The following CLVS1 variants were observed in gnomAD, a reference collection of about 807,000 sequenced individuals.
The protein encoded by CLVS1 is clavesin-1.
CLVS1 carries 10 observed loss-of-function variants against 33.1 expected under a neutral mutation model. The ratio of observed to expected loss-of-function variants is 0.30; its 90% CI spans 0.19 to 0.51. The LOEUF (loss-of-function observed/expected upper bound fraction) is 0.51, where lower values mean the gene tolerates loss of function less well. Ranked by LOEUF, CLVS1 falls within the 20% of genes least tolerant of loss-of-function variation. CLVS1 has a pLI of 0.97. For synonymous variants in CLVS1, 163 were observed against 166.1 expected, an observed-to-expected ratio of 0.98 and a Z score of 0.14; for missense variants, 343 against 433.4, an observed-to-expected ratio of 0.79 and a Z score of 1.85.
In CLVS1 at chr8:61,500,249, A is replaced by AATG. The variant is rs1196378370; in HGVS notation, c.*708_*710dup. The AATG allele has an allele frequency of 1.3e-5, 2 of 152,300 alleles. No homozygotes were observed. The highest frequency in any genetic ancestry group is 1.5e-5 in the Non-Finnish European group (1 of 68,058). The allele number at this position is 152,300 out of a possible 1,614,324, so 9.4% of individuals were successfully genotyped here. A position where few individuals can be genotyped will look rare whatever the true frequency, so the allele number is the denominator to read the frequency against. ...TGAAATACGATTATTTCATCTGAGC[A>AATG]ATGTGAGTTACCACAGGCAGCTCAA... On this transcript the variant is annotated 3_prime_UTR_variant, in exon 6 of 6. Transcript: ENST00000325897.
chr8:61,248,167 A>G (rs1272052027), intron 2 of CLVS1, among the ~76,000 whole-genome samples: 2 of 152,206 alleles, frequency 1.3e-5, no homozygotes, highest in South Asian at 2.1e-4. Context: ...TATTAGTACC[A>G]TGCTGTTTTG....
In CLVS1 at chr8:61,123,060, G is replaced by A. The variant is rs564560522; in HGVS notation, c.-242-8710G>A. On this transcript the variant is annotated intron_variant, in intron 1 of 2. Transcript: ENST00000522621. ...CAAGGCAGGTGGATCACCTGAGGTC[G>A]GGAGTTCAAGACCAGCCTGACCAGC... is the stretch of plus-strand genomic sequence containing the variant. Among the ~76,000 whole-genome samples, 119 of 143,034 alleles carry A rather than the reference G, an allele frequency of 8.3e-4. 11 individuals carry two copies. The highest frequency in any genetic ancestry group is 2.9e-3 in the African/African-American group (115 of 39,346). The allele number at this position is 143,034 out of a possible 152,430, so 93.8% of individuals were successfully genotyped here. A position where few individuals can be genotyped will look rare whatever the true frequency, so the allele number is the denominator to read the frequency against.
the CLVS1 span, among the ~76,000 whole-genome samples, chr8:60,998,276 C>G: frequency 6.6e-6 from 1 of 152,204 alleles, no homozygotes; most frequent in East Asian, 1.9e-4. Context: ...CTGGCAAGTC[C>G]TTACCCACAC....
chr8:61,404,332 A>G (rs1392663298), intron 3 of CLVS1, among the ~76,000 whole-genome samples: 1 of 152,168 alleles, frequency 6.6e-6, no homozygotes, highest in African/African-American at 2.4e-5. Flanking sequence ...AAGACCTTAT[A>G]TTTTTATTTT....
At chr8:61,074,029 A>G (rs1314127006) in intron 1 of CLVS1, among the ~76,000 whole-genome samples, 2 of 148,964 alleles carry the variant, frequency 1.3e-5, no homozygotes, top group Non-Finnish European at 3.0e-5. Context: ...AAAAAAAAAA[A>G]AATTATAACT....
chr8:61,422,243 A>G (rs1815707482), intron 3 of CLVS1, among the ~76,000 whole-genome samples: 1 of 152,200 alleles, frequency 6.6e-6, no homozygotes, highest in African/African-American at 2.4e-5. Context: ...GCATATACAT[A>G]CATGTGTGAA....
chr8:61,161,994 A>T (rs1303842784), intron 2 of CLVS1, among the ~76,000 whole-genome samples: 1 of 31,320 alleles, frequency 3.2e-5, no homozygotes, highest in Admixed American at 2.7e-4. Context: ...ACTTTTTGAC[A>T]AAAAAAAAAA....
At chr8:61,077,484 T>C (rs1226680799) in intron 1 of CLVS1, among the ~76,000 whole-genome samples, 1 of 133,128 alleles carries the variant, frequency 7.5e-6, no homozygotes, top group Non-Finnish European at 1.6e-5. Context: ...TTATTATTAT[T>C]ATTATTATTG....
intron 2 of CLVS1, among the ~76,000 whole-genome samples, chr8:61,191,685 TA>T (rs143381938): frequency 0.76 from 115,253 of 151,980 alleles, 44,571 homozygotes; most frequent in Middle Eastern, 0.9. Flanking sequence ...AGTCTCAGGA[TA>T]AAAAAATCAA....
intron 3 of CLVS1, among the ~76,000 whole-genome samples, chr8:61,452,797 C>T (rs1164687319): frequency 6.6e-6 from 1 of 152,182 alleles, no homozygotes; most frequent in Non-Finnish European, 1.5e-5. Flanking sequence ...TATTTAGCAC[C>T]TTTCTACTCT....
At chr8:61,043,917 T>G in the CLVS1 span, among the ~76,000 whole-genome samples, 1 of 152,184 alleles carries the variant, frequency 6.6e-6, no homozygotes, top group African/African-American at 2.4e-5. Flanking sequence ...TACCTTATTC[T>G]TAGTAAGGAA....
intron 2 of CLVS1, among the ~76,000 whole-genome samples, chr8:61,155,140 C>G (rs1806624788): frequency 6.6e-6 from 1 of 152,170 alleles, no homozygotes; most frequent in African/African-American, 2.4e-5. Context: ...ATGTTAAGTA[C>G]ATGAAGGATA....
chr8:61,189,891 C>T (rs551252038), intron 2 of CLVS1, among the ~76,000 whole-genome samples: 34 of 152,240 alleles, frequency 2.2e-4, no homozygotes, highest in East Asian at 3.9e-4. Context: ...TAGAGACCTA[C>T]GAAGAGACTT....
intron 1 of CLVS1, among the ~76,000 whole-genome samples, chr8:61,297,759 G>A (rs1810271136): frequency 6.6e-6 from 1 of 152,128 alleles, no homozygotes; most frequent in South Asian, 2.1e-4. Flanking sequence ...GGAGAAGATG[G>A]AGTAGAGAGG....
rs1563387837 is a variant in CLVS1 at position 61,059,459 on chromosome 8, T to TAC, written c.-243+2230_-243+2231insCA. 3.6e-5 allele frequency among the ~76,000 whole-genome samples: 4 copies of TAC among 109,876 alleles called. No homozygotes were observed. The East Asian group carries it at 1.3e-3, about 35-fold the overall frequency. The allele number at this position is 109,876 out of a possible 152,430, so 72.1% of individuals were successfully genotyped here. ...TATCATATATATATATACACACACATATACATACATACATACATATATATA... is the reference window on the plus strand; with the variant it reads ...TATCATATATATATATACACACACATACATACATACATACATACATATATATA... On this transcript the variant is annotated intron_variant, in intron 1 of 2. Coordinates refer to the CLVS1 transcript ENST00000522621.
intron 2 of CLVS1, among the ~76,000 whole-genome samples, chr8:61,178,492 G>A (rs1807161373): frequency 6.6e-6 from 1 of 152,098 alleles, no homozygotes; most frequent in Non-Finnish European, 1.5e-5. Flanking sequence ...AGGAAATACA[G>A]AGAACAACAC....
At chr8:61,198,420 C>G (rs1462148480) in intron 2 of CLVS1, among the ~76,000 whole-genome samples, 1 of 152,284 alleles carries the variant, frequency 6.6e-6, no homozygotes, top group African/African-American at 2.4e-5. Context: ...CACTCTTTCA[C>G]CCAGGCTGGA....
At chr8:61,093,054 C>T (rs964743120) in intron 1 of CLVS1, among the ~76,000 whole-genome samples, 3 of 152,182 alleles carry the variant, frequency 2.0e-5, no homozygotes, top group African/African-American at 7.2e-5. Context: ...ACTCCTGGTT[C>T]TAAAACATCT....
chr8:61,236,769 A>G (rs1585712197), intron 2 of CLVS1, among the ~76,000 whole-genome samples: 2 of 152,226 alleles, frequency 1.3e-5, no homozygotes, highest in Middle Eastern at 3.4e-3. Context: ...GAGTTCACCG[A>G]CCTCATTTTA....
Sources: allele counts gnomAD v4.1 joint callset (sites outside exome capture counted in the v4.1 genomes callset), GRCh38; gene constraint gnomAD v4.1.1; transcripts MANE v1.5; gene names NCBI Gene and HGNC (gene_info 2026-07-23, HGNC 2026-07-21).